Variants in MKLN1 observed in about 807,000 individuals in gnomAD.
MKLN1 encodes the protein muskelin.
MKLN1 carries 18 observed loss-of-function variants against 99.0 expected under a neutral mutation model. That is an observed-to-expected ratio of 0.18 (90% confidence interval 0.13 to 0.27). The LOEUF (loss-of-function observed/expected upper bound fraction) is 0.27. MKLN1 is among the 10% of genes least tolerant of loss of function. MKLN1 has a pLI of 1.00. For missense variants in MKLN1, 621 were observed against 875.9 expected (o/e 0.71, Z 3.67); for synonymous variants, 288 against 293.2 (o/e 0.98, Z 0.18).
chr7:131,462,833 A>G (rs1796555873), intron 12 of MKLN1, among the ~76,000 whole-genome samples: 1 of 152,222 alleles, frequency 6.6e-6, no homozygotes, highest in African/African-American at 2.4e-5. Context: ...TTCAAGAGAA[A>G]CTAGTAGGGG....
rs2116723355 is a variant in MKLN1 at position 131,490,625 on chromosome 7, C to A, written c.*2897C>A. ...AAGGCCATCTTTTAGACCTGATTTT[C>A]ATTTATATGAAAACAGACCTGTCCA... On this transcript the variant is annotated 3_prime_UTR_variant, in exon 18 of 18. Coordinates refer to ENST00000352689, the MANE Select transcript of MKLN1 (RefSeq NM_013255.5). The A allele has an allele frequency of 6.6e-6, 1 of 152,626 alleles. No homozygotes were observed. The highest frequency in any genetic ancestry group is 1.9e-4 in the East Asian group (1 of 5,186). 9.5% of individuals were successfully genotyped at this position (152,626 alleles called of 1,614,324 possible). A position where few individuals can be genotyped will look rare whatever the true frequency, so the allele number is the denominator to read the frequency against.
In MKLN1 at chr7:131,463,302, G is replaced by A. The variant is rs765727460; in HGVS notation, c.1611G>A (p.Lys537=). 55 of 1,612,248 alleles carry A rather than the reference G, an allele frequency of 3.4e-5. No homozygotes were observed. In the East Asian group the frequency reaches 1.2e-3, roughly 35 times the overall value. ...IHVLSGLSKD[K]EKREENVRNS... ...TCTTATCTGGACTCAGCAAAGATAA[G>A]GAAAAGAGGGAAGAAAATGTTAGAA... Residue 537 remains lysine (K), a synonymous_variant, in exon 13 of 18, where the codon AAG becomes AAA. Transcript: ENST00000352689.
intron 2 of MKLN1, among the ~76,000 whole-genome samples, chr7:131,147,522 G>T (rs991323972): frequency 6.6e-6 from 1 of 152,006 alleles, no homozygotes; most frequent in South Asian, 2.1e-4. Context: ...AATAATAATT[G>T]CCCACATTGA....
At chr7:131,371,940 C>T (rs1400380097) in intron 1 of MKLN1, among the ~76,000 whole-genome samples, 1 of 151,776 alleles carries the variant, frequency 6.6e-6, no homozygotes, top group Admixed American at 6.6e-5. Context: ...CTCCCTGTTG[C>T]CTTCTTGATT....
intron 2 of MKLN1, among the ~76,000 whole-genome samples, chr7:131,172,770 A>G (rs1411409878): frequency 6.6e-6 from 1 of 152,236 alleles, no homozygotes; most frequent in Non-Finnish European, 1.5e-5. Flanking sequence ...CTGATGTTGG[A>G]CTTTTCAAGA....
chr7:131,406,015 T>G lies in MKLN1; in HGVS notation c.704-5291T>G, dbSNP rs181034438. 3.7e-3 allele frequency among the ~76,000 whole-genome samples: 569 copies of G among 152,242 alleles called. 7 individuals carry two copies. The highest frequency in any genetic ancestry group is 0.013 in the African/African-American group (549 of 41,576). On this transcript the variant is annotated intron_variant, in intron 6 of 17. Transcript: ENST00000352689. ...CATTACTGAGAAAGATGTTAACACT[T>G]TCCACTATGATCATCGAATTATATG...
intron 1 of MKLN1, among the ~76,000 whole-genome samples, chr7:131,374,404 G>A (rs565526512): frequency 2.0e-5 from 3 of 152,042 alleles, no homozygotes; most frequent in Admixed American, 6.5e-5. Context: ...ATTATATTAC[G>A]GTAAACACAA....
intron 6 of MKLN1, among the ~76,000 whole-genome samples, chr7:131,400,518 A>AAAATATATATATATATATATAT (rs527702723): frequency 1.5e-5 from 2 of 137,434 alleles, no homozygotes; most frequent in African/African-American, 5.6e-5. Context: ...ATAAAAAAAA[A>AAAATATATATATATATATATAT]ATATATATAT....
chr7:131,125,470 A>G (rs1382900533), intron 1 of MKLN1, among the ~76,000 whole-genome samples: 1 of 152,000 alleles, frequency 6.6e-6, no homozygotes, highest in Admixed American at 6.6e-5. Context: ...TGGACACAAG[A>G]CTCCCTCTGG....
chr7:131,122,350 T>C (rs1795385929), intron 1 of MKLN1, among the ~76,000 whole-genome samples: 1 of 152,236 alleles, frequency 6.6e-6, no homozygotes, highest in Non-Finnish European at 1.5e-5. Flanking sequence ...GTTTTACTCT[T>C]GAGCTAACAC....
intron 2 of MKLN1, among the ~76,000 whole-genome samples, chr7:131,146,544 G>A (rs1795817352): frequency 6.6e-6 from 1 of 152,090 alleles, no homozygotes; most frequent in Admixed American, 6.6e-5. Flanking sequence ...TTGCCACTTG[G>A]GTATACTGTA....
chr7:131,148,239 A>G (rs1795842110), intron 2 of MKLN1, among the ~76,000 whole-genome samples: 1 of 152,128 alleles, frequency 6.6e-6, no homozygotes, highest in South Asian at 2.1e-4. Context: ...CCAGGCCAGC[A>G]TCCTAGGCTC....
rs567630689 is a variant in MKLN1 at position 131,403,192 on chromosome 7, T to TA, written c.703+3760dup. 1.8e-3 allele frequency among the ~76,000 whole-genome samples: 267 copies of TA among 152,326 alleles called. 3 individuals are homozygous for TA. Among genetic ancestry groups the TA allele is most frequent in the African/African-American group, 6.2e-3 (259 of 41,570 alleles). On this transcript the variant is annotated intron_variant, in intron 6 of 17. Transcript: ENST00000352689. ...TAATAACTTGCTGCATCTTCTATAA[T>TA]ACATCAACACTTGTGGCTTTACTTT...
chr7:131,438,905 G>T (rs1264715717), intron 10 of MKLN1, among the ~76,000 whole-genome samples: 1 of 152,066 alleles, frequency 6.6e-6, no homozygotes, highest in African/African-American at 2.4e-5. Context: ...TGTCTTTATA[G>T]ATTTTTGTTA....
intron 1 of MKLN1, among the ~76,000 whole-genome samples, chr7:131,341,843 A>G (rs1207894531): frequency 6.6e-6 from 1 of 152,202 alleles, no homozygotes. Flanking sequence ...GCCTATGCTG[A>G]TCTGACAGGA....
chr7:131,328,058 G>A, intron 1 of MKLN1, 61 bp downstream of exon 1: 1 of 1,565,562 alleles, frequency 6.4e-7, no homozygotes, highest in South Asian at 1.2e-5. Flanking sequence ...GGTTGGGCCA[G>A]GGGTGCAATG....
At chr7:131,125,151 T>A (rs1036240109) in intron 1 of MKLN1, among the ~76,000 whole-genome samples, 1 of 152,220 alleles carries the variant, frequency 6.6e-6, no homozygotes, top group South Asian at 2.1e-4. Flanking sequence ...GACAAAATTA[T>A]TGGCACAGGG....
chr7:131,305,095 G>A (rs1171566700), intron 3 of MKLN1, among the ~76,000 whole-genome samples: 1 of 152,134 alleles, frequency 6.6e-6, no homozygotes, highest in Non-Finnish European at 1.5e-5. Context: ...ACCTGCGGGC[G>A]CCTTGATTGT....
chr7:131,233,877 G>GT (rs1797277918), intron 3 of MKLN1, among the ~76,000 whole-genome samples: 1 of 152,026 alleles, frequency 6.6e-6, no homozygotes, highest in Non-Finnish European at 1.5e-5. Flanking sequence ...CCAGAGTTAT[G>GT]TTTTTTCTAG....
Sources: allele counts gnomAD v4.1 joint callset (sites outside exome capture counted in the v4.1 genomes callset), GRCh38; gene constraint gnomAD v4.1.1; transcripts MANE v1.5; gene names NCBI Gene and HGNC (gene_info 2026-07-23, HGNC 2026-07-21).